The following RAD51B variants were observed in gnomAD, a reference collection of about 807,000 sequenced individuals.
RAD51B encodes the protein DNA repair protein RAD51 homolog 2.
RAD51B carries 38 observed loss-of-function variants against 42.2 expected under a neutral mutation model. The observed-to-expected ratio is 0.90, with a 90% confidence interval of 0.70 to 1.18. The LOEUF is 1.18. RAD51B is among the 50% of genes most tolerant of loss of function. The pLI, the probability that RAD51B is intolerant of heterozygous loss-of-function variation, is 0.00. For missense variants in RAD51B, 373 were observed against 400.7 expected (o/e 0.93, Z 0.59); for synonymous variants, 154 against 145.2 (o/e 1.06, Z -0.43).
At chr14:68,585,573 G>C (rs1468851160) in intron 10 of RAD51B, among the ~76,000 whole-genome samples, 1 of 152,306 alleles carries the variant, frequency 6.6e-6, no homozygotes, top group East Asian at 1.9e-4. Flanking sequence ...GGGTAGGGAG[G>C]GGCTGGGGAC....
chr14:68,599,132 G>A (rs537891415), downstream of RAD51B, among the ~76,000 whole-genome samples: 112 of 152,262 alleles, frequency 7.4e-4, no homozygotes, highest in Non-Finnish European at 9.1e-4. Flanking sequence ...GTCGGACATC[G>A]GCCAGTACCC....
intron 7 of RAD51B, among the ~76,000 whole-genome samples, chr14:68,097,863 T>C (rs916617307): frequency 9.9e-5 from 15 of 152,216 alleles, no homozygotes; most frequent in African/African-American, 2.9e-4. Context: ...CCTTTCATGC[T>C]AAGTTCCCTG....
At chr14:68,154,295 T>C (rs187244467) in intron 7 of RAD51B, among the ~76,000 whole-genome samples, 1 of 152,320 alleles carries the variant, frequency 6.6e-6, no homozygotes, top group Non-Finnish European at 1.5e-5. Flanking sequence ...CTATTTAATT[T>C]AAAGCTAATC....
intron 7 of RAD51B, among the ~76,000 whole-genome samples, chr14:68,252,260 T>C (rs1386219415): frequency 1.3e-5 from 2 of 152,220 alleles, no homozygotes; most frequent in African/African-American, 4.8e-5. Context: ...AAATATTCTC[T>C]GTATAGAGAC....
chr14:68,316,770 A>G lies in RAD51B; in HGVS notation c.853+24790A>G, dbSNP rs537663757. Among the ~76,000 whole-genome samples the G allele has an allele frequency of 2.6e-5, 4 of 152,324 alleles. No individual in the cohort carries two copies. In the East Asian group the frequency reaches 7.7e-4, roughly 29 times the overall value. ...ACTATGGTAGACCTTGGAGGTTAAA[A>G]TGAAAAATAAGAGGATCCTCTGTTG... On this transcript the variant is annotated intron_variant, in intron 8 of 10. Coordinates refer to ENST00000471583, the MANE Select transcript of RAD51B (RefSeq NM_133510.4).
intron 7 of RAD51B, among the ~76,000 whole-genome samples, chr14:68,020,206 C>T (rs1487402601): frequency 6.6e-6 from 1 of 152,108 alleles, no homozygotes; most frequent in Non-Finnish European, 1.5e-5. Flanking sequence ...GTCTCCTGGG[C>T]TCAAGCAATC....
chr14:68,549,345 C>T (rs1041558314), intron 10 of RAD51B, among the ~76,000 whole-genome samples: 2 of 150,214 alleles, frequency 1.3e-5, no homozygotes, highest in Admixed American at 6.6e-5. Flanking sequence ...TGCACCAAAT[C>T]ATTGGTGCAG....
intron 10 of RAD51B, among the ~76,000 whole-genome samples, chr14:68,557,773 A>T (rs1325565562): frequency 1.3e-5 from 2 of 152,194 alleles, no homozygotes; most frequent in African/African-American, 4.8e-5. Context: ...ACAGGTCCTG[A>T]TAGCTCTTGT....
intron 7 of RAD51B, among the ~76,000 whole-genome samples, chr14:67,899,301 G>T (rs1595080075): frequency 6.6e-6 from 1 of 151,526 alleles, no homozygotes; most frequent in African/African-American, 2.4e-5. Context: ...TGCCCACCTT[G>T]GCCTCCCAAA....
intron 7 of RAD51B, among the ~76,000 whole-genome samples, chr14:68,167,023 T>A (rs2078767251): frequency 6.6e-6 from 1 of 152,204 alleles, no homozygotes; most frequent in Non-Finnish European, 1.5e-5. Flanking sequence ...GCCACCAGTC[T>A]GGTCTCATTA....
intron 7 of RAD51B, among the ~76,000 whole-genome samples, chr14:68,200,854 C>T (rs770892519): frequency 2.0e-5 from 3 of 151,920 alleles, no homozygotes; most frequent in Non-Finnish European, 4.4e-5. Context: ...GATGAGGTCT[C>T]GCTATGTTGC....
chr14:68,560,122 C>T (rs896164309), intron 10 of RAD51B, among the ~76,000 whole-genome samples: 3 of 152,162 alleles, frequency 2.0e-5, no homozygotes, highest in African/African-American at 7.2e-5. Context: ...TGACTTCTGA[C>T]GAGCATACTC....
chr14:68,169,994 G>A (rs2767384), intron 7 of RAD51B, among the ~76,000 whole-genome samples: 1 of 152,050 alleles, frequency 6.6e-6, no homozygotes, highest in Non-Finnish European at 1.5e-5. Flanking sequence ...AAGAACCATT[G>A]AAACTCTCTC....
chr14:68,099,471 T>G (rs1595395116), intron 7 of RAD51B, among the ~76,000 whole-genome samples: 1 of 152,224 alleles, frequency 6.6e-6, no homozygotes, highest in Non-Finnish European at 1.5e-5. Context: ...AAAATCATAA[T>G]TTTGGATCCT....
At chr14:68,607,309 A>T (rs923898009) in intron 10 of RAD51B, among the ~76,000 whole-genome samples, 4 of 152,182 alleles carry the variant, frequency 2.6e-5, no homozygotes, top group African/African-American at 9.7e-5. Flanking sequence ...TACCAGTTTG[A>T]AAACAACCTT....
In RAD51B at chr14:68,416,956, G is replaced by A. The variant is rs566619309; in HGVS notation, c.957+5429G>A. 2.6e-5 allele frequency among the ~76,000 whole-genome samples: 4 copies of A among 152,310 alleles called. No homozygotes were observed. In the South Asian group the frequency reaches 8.3e-4, roughly 32 times the overall value. On this transcript the variant is annotated intron_variant, in intron 9 of 10. Transcript: ENST00000471583. ...CTCTCTGTGGTTGGACAGGCTTAATGAAAGACTGAATAACCAAAGAAAAGT... is the reference window on the plus strand; with the variant it reads ...CTCTCTGTGGTTGGACAGGCTTAATAAAAGACTGAATAACCAAAGAAAAGT...
downstream of RAD51B, among the ~76,000 whole-genome samples, chr14:68,614,708 G>A (rs191762146): frequency 9.6e-4 from 147 of 152,338 alleles, no homozygotes; most frequent in African/African-American, 3.3e-3. Flanking sequence ...TGTTTTCATA[G>A]CTGAATAATA....
intron 8 of RAD51B, among the ~76,000 whole-genome samples, chr14:68,398,342 T>C (rs761221744): frequency 8.5e-5 from 13 of 152,240 alleles, no homozygotes; most frequent in Non-Finnish European, 1.6e-4. Flanking sequence ...CATTTCTGTC[T>C]TGTCTCACTT....
chr14:68,155,093 A>G (rs2078472669), intron 7 of RAD51B, among the ~76,000 whole-genome samples: 1 of 152,188 alleles, frequency 6.6e-6, no homozygotes, highest in African/African-American at 2.4e-5. Context: ...GGGGGGAAAG[A>G]CATGTACAAG....
Sources: gnomAD v4.1 joint callset for allele counts (sites outside exome capture counted in the v4.1 genomes callset) on GRCh38, gnomAD v4.1.1 for gene constraint, MANE v1.5 for transcripts, NCBI Gene and HGNC (gene_info 2026-07-23, HGNC 2026-07-21) for gene names.